CAMK2G: variants seen among roughly 807,000 people sequenced by gnomAD.
CAMK2G encodes calcium/calmodulin-dependent protein kinase type II subunit gamma.
CAMK2G carries 23 observed loss-of-function variants against 88.7 expected under a neutral mutation model. That is an observed-to-expected ratio of 0.26 (90% CI 0.19 to 0.37). The LOEUF is 0.37. Ranked by LOEUF, CAMK2G falls within the 10% of genes least tolerant of loss-of-function variation. CAMK2G has a pLI of 1.00. For synonymous variants in CAMK2G, 263 were observed against 294.8 expected (o/e 0.89, Z 1.11); for missense variants, 476 against 780.8 (o/e 0.61, Z 4.65).
At chr10:73,852,915 C>T in intron 4 of CAMK2G, 1 of 479,226 alleles carries the variant, frequency 2.1e-6, no homozygotes, top group Non-Finnish European at 3.7e-6. Context: ...AAGGACAGCA[C>T]ACTGAGAAAC....
chr10:73,820,464 T>TATATATATATATATA (rs2087623930), intron 18 of CAMK2G, among the ~76,000 whole-genome samples: 2 of 74,078 alleles, frequency 2.7e-5, no homozygotes, highest in African/African-American at 1.4e-4. Flanking sequence ...GGTTTTATAT[T>TATATATATATATATA]TATATATATA....
rs1261016658 is a variant in CAMK2G at position 73,872,995 on chromosome 10, C to A, written c.154G>T (p.Ala52Ser). The change falls in exon 2 of 23, where the codon GCC (alanine) becomes TCC (serine). Residue 52 changes from alanine to serine, a missense_variant. Around this residue, in one of 3 missense-constraint regions of CAMK2G, gnomAD observed 164 missense variants for 385.6 expected, o/e 0.43. Coordinates refer to ENST00000423381, the MANE Select transcript of CAMK2G (RefSeq NM_001367534.1). ...CAAGACAGGGAACACTCACCCCGGG[C>A]AGACAACTTCTTGGTATTGATGATT... ...AKIINTKKLS[A>S]RDHQKLEREA... is the part of the protein sequence containing the mutation. 1 of 1,607,292 alleles carries A rather than the reference C, an allele frequency of 6.2e-7. No homozygotes were observed. Among genetic ancestry groups the A allele is most frequent in the Admixed American group, 1.7e-5 (1 of 60,010 alleles).
At chr10:73,865,168 C>T (rs2095539875) in intron 2 of CAMK2G, among the ~76,000 whole-genome samples, 1 of 152,212 alleles carries the variant, frequency 6.6e-6, no homozygotes, top group African/African-American at 2.4e-5. Context: ...GGGTCTGCAA[C>T]ACAGCAACTA....
chr10:73,845,636 G>GT (rs2094180917), intron 10 of CAMK2G, among the ~76,000 whole-genome samples: 1 of 151,496 alleles, frequency 6.6e-6, no homozygotes, highest in Non-Finnish European at 1.5e-5. Flanking sequence ...TCCTCCTCTG[G>GT]TTTTCTTCTG....
chr10:73,831,355 T>C (rs977838757), intron 14 of CAMK2G, among the ~76,000 whole-genome samples: 3 of 151,182 alleles, frequency 2.0e-5, no homozygotes, highest in Admixed American at 1.3e-4. Context: ...CTGGCCAACA[T>C]AGCAAAACCC....
At chr10:73,841,891 A>G in intron 12 of CAMK2G, 2 of 448,608 alleles carry the variant, frequency 4.5e-6, no homozygotes, top group Non-Finnish European at 8.1e-6. Context: ...GTCTTCAGAG[A>G]GTTAAATAAG....
intron 3 of CAMK2G, among the ~76,000 whole-genome samples, chr10:73,859,186 G>A (rs1368546607): frequency 2.0e-5 from 3 of 152,216 alleles, no homozygotes; most frequent in Non-Finnish European, 4.4e-5. Context: ...CTAGGTTAGA[G>A]GTCACAAGCT....
rs2094441165 is a variant in CAMK2G at position 73,848,976 on chromosome 10, CG to C, written c.517+36del. The C allele has an allele frequency of 1.6e-6, 2 of 1,267,590 alleles. No individual in the cohort carries two copies. Among genetic ancestry groups the C allele is most frequent in the Non-Finnish European group, 2.3e-6 (2 of 863,702 alleles). 78.5% of individuals were successfully genotyped at this position (1,267,590 alleles called of 1,614,324 possible). A position where few individuals can be genotyped will look rare whatever the true frequency, so the allele number is the denominator to read the frequency against. ...GGCAGATCAGGAAGAGGAGGAAGGG[CG>C]GGGGCTGCATTCCGGGAAGACAGGA... On this transcript the variant is annotated intron_variant, in intron 7 of 22. Transcript: ENST00000423381. This position sits in a 1 kb window ranked among gnomAD's most constrained non-coding sequence, Gnocchi z 4.5.
In CAMK2G at chr10:73,821,670, G is replaced by A. The variant is rs769509185; in HGVS notation, c.1249+12C>T. 1 of 1,606,384 alleles carries A rather than the reference G, an allele frequency of 6.2e-7. No homozygotes were observed. Among genetic ancestry groups the A allele is most frequent in the Non-Finnish European group, 8.5e-7 (1 of 1,175,442 alleles). Reference sequence around the variant, plus strand: ...TGCTGGAGTCCTTCCCCCTCCAAGGGCCAGCACCTACCTTTGAGGTCCTCA... The same window carrying A: ...TGCTGGAGTCCTTCCCCCTCCAAGGACCAGCACCTACCTTTGAGGTCCTCA... On this transcript the variant is annotated intron_variant, in intron 18 of 22. Transcript: ENST00000423381.
chr10:73,844,334 A>ACCTAC, intron 10 of CAMK2G, among the ~76,000 whole-genome samples: 1 of 151,568 alleles, frequency 6.6e-6, no homozygotes. Flanking sequence ...CAAGTGATCT[A>ACCTAC]CCTACCCTGG....
chr10:73,869,263 G>A (rs763691501), intron 2 of CAMK2G, among the ~76,000 whole-genome samples: 40 of 152,326 alleles, frequency 2.6e-4, no homozygotes, highest in Non-Finnish European at 4.9e-4. Context: ...CTAGTACTCA[G>A]GGTGATCCTT....
At position 73,850,415 on chromosome 10, in the gene CAMK2G, G is replaced by C. The variant is rs1391470760; in HGVS notation, c.342-1082C>G. 2.6e-5 allele frequency among the ~76,000 whole-genome samples: 4 copies of C among 152,106 alleles called. No individual in the cohort carries two copies. In the East Asian group the frequency reaches 7.7e-4, roughly 29 times the overall value. ...GTGGTTTTCAACTGGGAATGAATTT[G>C]CCGCCCGCCCCCCCCCACCGCAGGG... On this transcript the variant is annotated intron_variant, in intron 5 of 22. Transcript: ENST00000423381.
chr10:73,832,103 G>A (rs570296844), intron 14 of CAMK2G, among the ~76,000 whole-genome samples: 3 of 151,806 alleles, frequency 2.0e-5, no homozygotes, highest in Admixed American at 1.3e-4. Flanking sequence ...TCTGATAACA[G>A]TAGTGCACAA....
Position 73,814,287 on chromosome 10 carries a change from CTTTTT to C in CAMK2G, c.*226_*230del, listed in dbSNP as rs896941328. On this transcript the variant is annotated 3_prime_UTR_variant, in exon 23 of 23. Coordinates refer to ENST00000423381, the MANE Select transcript of CAMK2G (RefSeq NM_001367534.1). ...TTTTTTTTTTAAACAATCTTTTTTT[CTTTTT>C]TTTTTTTCTTAAATGTAAAAAACAC... is the stretch of plus-strand genomic sequence containing the variant. 4 of 62,986 alleles carry C rather than the reference CTTTTT, an allele frequency of 6.4e-5. No homozygotes were observed. In the East Asian group the frequency reaches 1.8e-3, roughly 29 times the overall value. 3.9% of individuals were successfully genotyped at this position (62,986 alleles called of 1,614,324 possible).
intron 18 of CAMK2G, among the ~76,000 whole-genome samples, chr10:73,820,492 ATTTTTT>A (rs1166533591): frequency 3.6e-3 from 186 of 51,046 alleles, no homozygotes; most frequent in Admixed American, 6.2e-3. Flanking sequence ...ATATATATAT[ATTTTTT>A]TTTTTTTTTT....
chr10:73,815,162 G>A lies in CAMK2G; in HGVS notation c.1620C>T (p.Ala540=). The change falls in exon 22 of 23, where the codon GCC becomes GCT. Residue 540 remains alanine, a synonymous_variant. Coordinates refer to ENST00000423381, the MANE Select transcript of CAMK2G (RefSeq NM_001367534.1). The stretch of plus-strand genomic sequence containing the variant: ...CGATGTACTGGGTGAGGCGGATGTA[G>A]GCGATGCACGCTGCGTCCTCCCCAA... The part of the protein sequence containing the change: ...HVIGEDAACI[A]YIRLTQYIDG... The A allele has an allele frequency of 1.2e-6, 2 of 1,614,248 alleles. No homozygotes were observed. Among genetic ancestry groups the A allele is most frequent in the East Asian group, 4.5e-5 (2 of 44,886 alleles).
chr10:73,848,871 T>TGTCA lies in CAMK2G; in HGVS notation c.517+141_517+142insTGAC. ...CAGTGCTGACAACAGCTAGACTTAC[T>TGTCA]GTACTGAGTCGCGTACGGCCAAGAG... On this transcript the variant is annotated intron_variant, in intron 7 of 22. Coordinates refer to ENST00000423381, the MANE Select transcript of CAMK2G (RefSeq NM_001367534.1). This position sits in a 1 kb window ranked among gnomAD's most constrained non-coding sequence, Gnocchi z 4.5. The TGTCA allele has an allele frequency of 1.4e-6, 1 of 714,712 alleles. No homozygotes were observed. Among genetic ancestry groups the TGTCA allele is most frequent in the Non-Finnish European group, 2.6e-6 (1 of 390,944 alleles). The allele number at this position is 714,712 out of a possible 1,614,324, so 44.3% of individuals were successfully genotyped here. A position where few individuals can be genotyped will look rare whatever the true frequency, so the allele number is the denominator to read the frequency against.
At chr10:73,854,551 C>T (rs1004711111) in intron 3 of CAMK2G, among the ~76,000 whole-genome samples, 9 of 152,170 alleles carry the variant, frequency 5.9e-5, no homozygotes, top group African/African-American at 4.8e-5. Flanking sequence ...GTTACAGGTG[C>T]ACCTCATGGA....
At chr10:73,866,440 C>T (rs1013207522) in intron 2 of CAMK2G, among the ~76,000 whole-genome samples, 6 of 151,966 alleles carry the variant, frequency 3.9e-5, no homozygotes, top group Non-Finnish European at 7.4e-5. Context: ...CAGGGATGGG[C>T]CTGCTTGACT....
Sources: gnomAD v4.1 joint callset for allele counts (sites outside exome capture counted in the v4.1 genomes callset) on GRCh38, gnomAD v4.1.1 for gene constraint, gnomAD v4.1.1 regional missense constraint, Gnocchi (gnomAD v3.1) non-coding constraint, MANE v1.5 for transcripts, NCBI Gene and HGNC (gene_info 2026-07-23, HGNC 2026-07-21) for gene names.